The following NAV2 variants were observed in gnomAD, a reference collection of about 807,000 sequenced individuals.
NAV2 encodes helicase, APC down-regulated 1.
In NAV2, 54 loss-of-function variants were observed where a neutral mutation model predicts 223.2. That is an observed-to-expected ratio of 0.24 (90% confidence interval 0.19 to 0.30). The LOEUF (loss-of-function observed/expected upper bound fraction) is 0.30. Ranked by LOEUF, NAV2 falls within the 10% of genes least tolerant of loss-of-function variation. The probability of loss-of-function intolerance (pLI) is 1.00; values close to 1 mark genes in which losing one functional copy is unlikely to be tolerated. For missense variants in NAV2, 2,806 were observed against 3,147.5 expected, an observed-to-expected ratio of 0.89 and a Z score of 2.60; for synonymous variants, 1,279 against 1,239.3, an observed-to-expected ratio of 1.03 and a Z score of -0.67.
chr11:19,640,061 C>A (rs771490312), intron 1 of NAV2, among the ~76,000 whole-genome samples: 2 of 152,178 alleles, frequency 1.3e-5, no homozygotes, highest in South Asian at 2.1e-4. Flanking sequence ...AACGAAGAAA[C>A]CTACTAAGCA....
At chr11:19,934,625 C>A (rs1436270891) in intron 7 of NAV2, among the ~76,000 whole-genome samples, 2 of 152,126 alleles carry the variant, frequency 1.3e-5, no homozygotes, top group African/African-American at 4.8e-5. Flanking sequence ...TTTGGTGTCA[C>A]CCGACAGTCC....
intron 24 of NAV2, among the ~76,000 whole-genome samples, 158 bp from the exon 25 acceptor site, chr11:20,079,906 A>G (rs2059985127): frequency 6.6e-6 from 1 of 152,200 alleles, no homozygotes; most frequent in South Asian, 2.1e-4. Flanking sequence ...TCACCTATTC[A>G]AGGATCTTAG....
chr11:20,018,513 C>T (rs4287319), intron 11 of NAV2, among the ~76,000 whole-genome samples: 1,893 of 152,092 alleles, frequency 0.012, 40 homozygotes, highest in African/African-American at 0.043. Context: ...TATGGAGAGA[C>T]GGGCCCCTAA....
chr11:19,403,773 G>C (rs1849779839), intron 1 of NAV2, among the ~76,000 whole-genome samples: 2 of 152,140 alleles, frequency 1.3e-5, no homozygotes, highest in Admixed American at 1.3e-4. Flanking sequence ...GTGGCTACAA[G>C]TATGTGCTAT....
At chr11:19,870,920 G>GT (rs1256729831) in intron 4 of NAV2, among the ~76,000 whole-genome samples, 2 of 152,104 alleles carry the variant, frequency 1.3e-5, no homozygotes, top group Non-Finnish European at 1.5e-5. Flanking sequence ...AAGAAATGAG[G>GT]TTTAAACTCT....
chr11:19,789,445 A>G (rs1332233490), intron 1 of NAV2, among the ~76,000 whole-genome samples: 1 of 152,116 alleles, frequency 6.6e-6, no homozygotes, highest in Non-Finnish European at 1.5e-5. Context: ...GACTGATGCT[A>G]TTTTCGGCCG....
In NAV2 at chr11:19,713,447, G is replaced by T; in HGVS notation, c.-249G>T. On this transcript the variant is annotated 5_prime_UTR_variant, in exon 1 of 38. Coordinates refer to ENST00000349880, the MANE Select transcript of NAV2 (RefSeq NM_145117.5). This position sits in a 1 kb window ranked among gnomAD's most constrained non-coding sequence, Gnocchi z 7.2. ...ACCCAGGAGAGGTGTGAGACCCGGC[G>T]GCAGCATCCGTCCAGGTGGGACCCG... is the stretch of plus-strand genomic sequence containing the variant. 5 of 1,272,686 alleles carry T rather than the reference G, an allele frequency of 3.9e-6. No individual in the cohort carries two copies. Among genetic ancestry groups the T allele is most frequent in the Non-Finnish European group, 4.9e-6 (5 of 1,013,342 alleles). 78.8% of individuals were successfully genotyped at this position (1,272,686 alleles called of 1,614,324 possible). A position where few individuals can be genotyped will look rare whatever the true frequency, so the allele number is the denominator to read the frequency against.
At chr11:19,389,774 T>A (rs965363685) in intron 1 of NAV2, among the ~76,000 whole-genome samples, 2 of 152,244 alleles carry the variant, frequency 1.3e-5, no homozygotes, top group Non-Finnish European at 2.9e-5. Context: ...ATCTCATGTG[T>A]GTTCCTGTGG....
In NAV2 at chr11:20,083,060, G is replaced by C; in HGVS notation, c.5379G>C (p.Ala1793=). 6.2e-7 allele frequency: 1 copy of C among 1,614,098 alleles called. No homozygotes were observed. The highest frequency in any genetic ancestry group is 8.5e-7 in the Non-Finnish European group (1 of 1,180,010). The change falls in exon 26 of 38, where the codon GCG becomes GCC. Residue 1793 remains alanine, a synonymous_variant. Transcript: ENST00000349880. ...AFGKKKSPKS[A]SSHSDIEEMT... is the part of the protein sequence containing the mutation. ...GGAAGAAGAAGTCCCCAAAATCTGCGTCCTCTCATTCAGATATTGAGGAGA... is the reference window on the plus strand; with the variant it reads ...GGAAGAAGAAGTCCCCAAAATCTGCCTCCTCTCATTCAGATATTGAGGAGA...
intron 12 of NAV2, among the ~76,000 whole-genome samples, chr11:20,042,566 G>C (rs2057022456): frequency 6.6e-6 from 1 of 152,152 alleles, no homozygotes; most frequent in South Asian, 2.1e-4. Flanking sequence ...CATAAGGGGA[G>C]AAGGGGTTGG....
intron 1 of NAV2, among the ~76,000 whole-genome samples, chr11:19,449,371 T>TG (rs957656977): frequency 1.3e-5 from 2 of 148,860 alleles, no homozygotes; most frequent in Admixed American, 6.7e-5. Context: ...CACTCCAGCC[T>TG]GAGCGACAGA....
rs201831368 is a variant in NAV2, at chr11:19,933,534, G to A, written c.1290G>A (p.Leu430=). ...PGSRDTSCER[L]ETLPSFEESE... ...CCCGGGACACAAGCTGTGAGCGGCT[G>A]GAGACTCTGCCCAGCTTCGAAGAGA... Residue 430 remains leucine (L), a synonymous_variant, in exon 7 of 38, where the codon CTG becomes CTA. Coordinates refer to ENST00000349880, the MANE Select transcript of NAV2 (RefSeq NM_145117.5). The surrounding 1 kb of genome is among the most constrained non-coding windows in gnomAD (Gnocchi z 4.3). 15 of 1,610,210 alleles carry A rather than the reference G, an allele frequency of 9.3e-6. No individual in the cohort carries two copies. The African/African-American group carries it at 2.0e-4, about 22-fold the overall frequency.
intron 1 of NAV2, among the ~76,000 whole-genome samples, chr11:19,610,241 T>C (rs558017732): frequency 4.9e-4 from 75 of 152,222 alleles, no homozygotes; most frequent in African/African-American, 1.8e-3. Context: ...AATTCAATCA[T>C]TTTTTTTCTT....
At chr11:19,608,138 C>A (rs565115249) in intron 1 of NAV2, among the ~76,000 whole-genome samples, 1 of 152,232 alleles carries the variant, frequency 6.6e-6, no homozygotes, top group African/African-American at 2.4e-5. Context: ...TGCACCACCA[C>A]GCTCTGCATT....
intron 1 of NAV2, among the ~76,000 whole-genome samples, chr11:19,730,633 A>T (rs1166392662): frequency 2.0e-5 from 3 of 152,184 alleles, no homozygotes; most frequent in African/African-American, 7.2e-5. Flanking sequence ...TGGGCTCCGC[A>T]TAACTCCCTA....
At chr11:19,776,246 G>C (rs1271754957) in intron 1 of NAV2, among the ~76,000 whole-genome samples, 1 of 152,174 alleles carries the variant, frequency 6.6e-6, no homozygotes, top group Non-Finnish European at 1.5e-5. Context: ...GCCTTTTCAG[G>C]ATACCGAAAG....
intron 1 of NAV2, among the ~76,000 whole-genome samples, chr11:19,821,382 G>A (rs1277976793): frequency 1.3e-5 from 2 of 151,804 alleles, no homozygotes; most frequent in Non-Finnish European, 2.9e-5. Flanking sequence ...CTCCCAGCAC[G>A]TTCACCAGCC....
In NAV2 at chr11:19,930,187, T is replaced by C. The variant is rs191309553; in HGVS notation, c.932-2989T>C. Among the ~76,000 whole-genome samples the C allele has an allele frequency of 6.6e-5, 10 of 152,262 alleles. No individual in the cohort carries two copies. The East Asian group carries it at 1.9e-3, about 29-fold the overall frequency. On this transcript the variant is annotated intron_variant, in intron 6 of 37. Coordinates refer to ENST00000349880, the MANE Select transcript of NAV2 (RefSeq NM_145117.5). ...TGAAGCACAACAGTAGGGGAAAATG[T>C]CATGTGATATAAACCAGGCCTGAGA...
rs115408212 is a variant in NAV2, at chr11:19,459,144, A to G, written c.75+108117A>G. ...GGAAATTTCCAGTTGTAAGTCATAG[A>G]AAGCCCAATCTATACAGGCTTATGC... On this transcript the variant is annotated intron_variant, in intron 1 of 37. Coordinates refer to the NAV2 transcript ENST00000360655. 8.4e-3 allele frequency among the ~76,000 whole-genome samples: 1,275 copies of G among 152,358 alleles called. 21 individuals carry two copies. The highest frequency in any genetic ancestry group is 0.029 in the African/African-American group (1,210 of 41,584).
Sources: allele counts gnomAD v4.1 joint callset (sites outside exome capture counted in the v4.1 genomes callset), GRCh38; gene constraint gnomAD v4.1.1; non-coding constraint Gnocchi (gnomAD v3.1); transcripts MANE v1.5; gene names NCBI Gene and HGNC (gene_info 2026-07-23, HGNC 2026-07-21).